Variants in GPC5 observed in about 807,000 individuals in gnomAD.
GPC5 encodes the protein glypican-5.
A neutral mutation model predicts 53.9 loss-of-function variants in GPC5; 47 were observed. That is an observed-to-expected ratio of 0.87 (90% CI 0.69 to 1.11). The LOEUF is 1.11. Ranked by LOEUF, GPC5 falls within the 50% of genes most tolerant of loss-of-function variation. The pLI is 0.00. For missense variants in GPC5, 748 were observed against 713.1 expected, an observed-to-expected ratio of 1.05 and a Z score of -0.56; for synonymous variants, 286 against 263.3, an observed-to-expected ratio of 1.09 and a Z score of -0.84.
At chr13:92,572,214 T>C (rs958414863) in intron 7 of GPC5, among the ~76,000 whole-genome samples, 2 of 152,196 alleles carry the variant, frequency 1.3e-5, no homozygotes, top group African/African-American at 4.8e-5. Flanking sequence ...TCCTTCAGAA[T>C]TAAATATCTG....
At chr13:91,718,185 G>A (rs1054076250) in intron 3 of GPC5, among the ~76,000 whole-genome samples, 3 of 151,642 alleles carry the variant, frequency 2.0e-5, no homozygotes, top group East Asian at 2.0e-4. Flanking sequence ...ATCTCGGCTC[G>A]CTGCAAGCTC....
At chr13:91,516,112 A>T (rs1194288127) in intron 2 of GPC5, among the ~76,000 whole-genome samples, 1 of 152,082 alleles carries the variant, frequency 6.6e-6, no homozygotes, top group African/African-American at 2.4e-5. Flanking sequence ...TTGGATGGGG[A>T]CACAGCCAAA....
chr13:92,208,427 G>A (rs932784303), intron 7 of GPC5, among the ~76,000 whole-genome samples: 6 of 152,248 alleles, frequency 3.9e-5, no homozygotes, highest in African/African-American at 1.4e-4. Context: ...ATCCCACTAA[G>A]TTTGTTTATT....
At chr13:91,482,384 C>G (rs1883353483) in intron 2 of GPC5, among the ~76,000 whole-genome samples, 1 of 152,156 alleles carries the variant, frequency 6.6e-6, no homozygotes, top group Non-Finnish European at 1.5e-5. Context: ...GCCTCTAGTA[C>G]TGTGAGGAAT....
chr13:91,604,401 C>T (rs1446241262), intron 2 of GPC5, among the ~76,000 whole-genome samples: 3 of 151,626 alleles, frequency 2.0e-5, no homozygotes, highest in Non-Finnish European at 2.9e-5. Context: ...TGAATAATGC[C>T]GTAATAAACA....
chr13:92,722,603 T>A (rs1888536128), intron 7 of GPC5, among the ~76,000 whole-genome samples: 1 of 151,848 alleles, frequency 6.6e-6, no homozygotes, highest in Admixed American at 6.6e-5. Context: ...ATTATCTTTT[T>A]TAAAAATTTT....
At chr13:92,584,128 A>G (rs1254168799) in intron 7 of GPC5, among the ~76,000 whole-genome samples, 5 of 152,234 alleles carry the variant, frequency 3.3e-5, no homozygotes, top group African/African-American at 1.2e-4. Flanking sequence ...ACTGAAAAAA[A>G]TACTCCAAAA....
intron 6 of GPC5, among the ~76,000 whole-genome samples, chr13:92,080,240 T>C (rs2041284684): frequency 6.6e-6 from 1 of 152,148 alleles, no homozygotes; most frequent in African/African-American, 2.4e-5. Context: ...TCTGCTCTCA[T>C]TCTATTTTCT....
chr13:91,710,979 A>C (rs1344476570), intron 3 of GPC5, among the ~76,000 whole-genome samples: 1 of 152,212 alleles, frequency 6.6e-6, no homozygotes, highest in African/African-American at 2.4e-5. Context: ...TCCTGCTATT[A>C]AAAGGAATGC....
rs576454877 is a variant in GPC5, at chr13:91,435,864, A to C, written c.164-12897A>C. Among the ~76,000 whole-genome samples the C allele has an allele frequency of 3.0e-3, 464 of 152,262 alleles. 16 individuals carry two copies. The South Asian group carries it at 0.079, about 26-fold the overall frequency. The stretch of plus-strand genomic sequence containing the variant: ...CCATTAATTATTGCCTGAATTTCAG[A>C]GCCTGTTATTGGTCTATTCAGAGAT... On this transcript the variant is annotated intron_variant, in intron 1 of 7. Transcript: ENST00000377067.
intron 7 of GPC5, among the ~76,000 whole-genome samples, chr13:92,807,359 T>C (rs919085227): frequency 4.6e-5 from 7 of 152,048 alleles, no homozygotes; most frequent in African/African-American, 1.7e-4. Flanking sequence ...TCTGTGTAGC[T>C]TGTTCATAAT....
intron 6 of GPC5, among the ~76,000 whole-genome samples, chr13:92,010,230 A>G (rs75051799): frequency 7.8e-4 from 119 of 152,200 alleles, no homozygotes; most frequent in African/African-American, 2.7e-3. Flanking sequence ...AACATATCAT[A>G]TATTTTACAT....
At chr13:92,246,174 G>A (rs1049915378) in intron 7 of GPC5, among the ~76,000 whole-genome samples, 17 of 152,160 alleles carry the variant, frequency 1.1e-4, no homozygotes, top group African/African-American at 4.1e-4. Flanking sequence ...TTCCAAAGTA[G>A]CAACATAGGA....
At chr13:92,078,827 A>G (rs758864676) in intron 6 of GPC5, among the ~76,000 whole-genome samples, 1 of 152,032 alleles carries the variant, frequency 6.6e-6, no homozygotes, top group Non-Finnish European at 1.5e-5. Context: ...AAACTACACT[A>G]TCTCCGTCCC....
At chr13:92,552,780 G>A (rs56188791) in intron 7 of GPC5, among the ~76,000 whole-genome samples, 25,398 of 151,790 alleles carry the variant, frequency 0.17, 2,134 homozygotes, top group South Asian at 0.21. Context: ...CCTGTTTGAA[G>A]TATTAAACAT....
At chr13:92,009,248 A>G (rs539581053) in intron 6 of GPC5, among the ~76,000 whole-genome samples, 11 of 60,172 alleles carry the variant, frequency 1.8e-4, no homozygotes, top group Non-Finnish European at 3.5e-4. Context: ...TGAGTGCTGG[A>G]TTTTCGTGTG....
chr13:91,549,887 A>G (rs2030525059), intron 2 of GPC5, among the ~76,000 whole-genome samples: 1 of 152,188 alleles, frequency 6.6e-6, no homozygotes, highest in African/African-American at 2.4e-5. Flanking sequence ...TACACTATCC[A>G]GCAGTCATAC....
At chr13:92,854,786 A>T (rs1272547556) in intron 7 of GPC5, among the ~76,000 whole-genome samples, 1 of 152,008 alleles carries the variant, frequency 6.6e-6, no homozygotes, top group African/African-American at 2.4e-5. Flanking sequence ...AATTCAGGAA[A>T]TTATTACCCT....
intron 5 of GPC5, among the ~76,000 whole-genome samples, chr13:91,819,411 A>G (rs1452041397): frequency 2.0e-5 from 3 of 151,876 alleles, no homozygotes; most frequent in African/African-American, 7.3e-5. Flanking sequence ...CGTCTGCCTC[A>G]GCCTCCCAAA....
Sources: gnomAD v4.1 joint callset for allele counts (sites outside exome capture counted in the v4.1 genomes callset) on GRCh38, gnomAD v4.1.1 for gene constraint, MANE v1.5 for transcripts, NCBI Gene and HGNC (gene_info 2026-07-23, HGNC 2026-07-21) for gene names.